PRKCE: variants seen among roughly 807,000 people sequenced by gnomAD.
PRKCE encodes the protein protein kinase C epsilon type.
PRKCE carries 16 observed loss-of-function variants against 85.4 expected under a neutral mutation model. The ratio of observed to expected loss-of-function variants is 0.19; its 90% confidence interval spans 0.13 to 0.28. The LOEUF (loss-of-function observed/expected upper bound fraction) is 0.28. PRKCE is among the 10% of genes least tolerant of loss of function. The probability of loss-of-function intolerance (pLI) is 1.00; values close to 1 mark genes in which losing one functional copy is unlikely to be tolerated. For missense variants in PRKCE, 573 were observed against 975.2 expected (o/e 0.59, Z 5.49); for synonymous variants, 388 against 371.5 (o/e 1.04, Z -0.51).
intron 1 of PRKCE, among the ~76,000 whole-genome samples, chr2:45,701,774 A>G (rs897152955): frequency 7.2e-5 from 11 of 152,224 alleles, no homozygotes; most frequent in African/African-American, 1.9e-4. Flanking sequence ...CTAGTCTGAT[A>G]AAGCCTCACC....
chr2:46,104,296 C>CTTTTTTTTTT (rs59018550), intron 11 of PRKCE, among the ~76,000 whole-genome samples: 28 of 118,500 alleles, frequency 2.4e-4, no homozygotes, highest in African/African-American at 8.7e-4. Context: ...TCACCTTGTA[C>CTTTTTTTTTT]TTTTTTTTTT....
intron 14 of PRKCE, among the ~76,000 whole-genome samples, chr2:46,173,492 G>T (rs927649968): frequency 2.0e-5 from 3 of 152,220 alleles, no homozygotes; most frequent in African/African-American, 7.2e-5. Flanking sequence ...AAGCAGCATT[G>T]AAAGTCTCCT....
In PRKCE at chr2:46,159,188, C is replaced by G. The variant is rs1018996973; in HGVS notation, c.1921-418C>G. 6.6e-6 allele frequency among the ~76,000 whole-genome samples: 1 copy of G among 152,186 alleles called. No homozygotes were observed. The highest frequency in any genetic ancestry group is 1.5e-5 in the Non-Finnish European group (1 of 68,046). On this transcript the variant is annotated intron_variant, in intron 13 of 14. Transcript: ENST00000306156. The surrounding 1 kb of genome is among the most constrained non-coding windows in gnomAD (Gnocchi z 4.1). ...GACCCCTCCATGTAAATGAGTTTAT[C>G]AGACCTCAGTCTCCCTGATGAGAAG... is the stretch of plus-strand genomic sequence containing the variant.
intron 2 of PRKCE, among the ~76,000 whole-genome samples, chr2:45,896,370 A>G (rs1696140768): frequency 6.6e-6 from 1 of 152,106 alleles, no homozygotes; most frequent in South Asian, 2.1e-4. Context: ...AAAGTCATGG[A>G]CTTTACGTGG....
chr2:46,169,469 C>T (rs925260210), intron 14 of PRKCE, among the ~76,000 whole-genome samples: 4 of 152,180 alleles, frequency 2.6e-5, no homozygotes, highest in African/African-American at 9.7e-5. Context: ...TTAACAGCAG[C>T]TTTCTTGGAG....
chr2:46,184,434 A>C lies in PRKCE; in HGVS notation c.2068-301A>C, dbSNP rs201021257. 4.0e-5 allele frequency among the ~76,000 whole-genome samples: 6 copies of C among 149,096 alleles called. No homozygotes were observed. Among genetic ancestry groups the C allele is most frequent in the East Asian group, 2.0e-4 (1 of 4,984 alleles). On this transcript the variant is annotated intron_variant, in intron 14 of 14. Transcript: ENST00000306156. This position sits in a 1 kb window ranked among gnomAD's most constrained non-coding sequence, Gnocchi z 5.0. ...GGGACCTTTGCATCATACACACACAAACACACACACACACACACACACACA... is the reference window on the plus strand; with the variant it reads ...GGGACCTTTGCATCATACACACACACACACACACACACACACACACACACA...
At chr2:45,764,429 T>C (rs1241728059) in intron 1 of PRKCE, among the ~76,000 whole-genome samples, 1 of 152,226 alleles carries the variant, frequency 6.6e-6, no homozygotes, top group Non-Finnish European at 1.5e-5. Flanking sequence ...GATTAATTGA[T>C]TAAATACTTA....
rs535211994 is a variant in PRKCE at position 46,044,877 on chromosome 2, A to G, written c.1437+34360A>G. ...CTCTCCAAGCAGGAGAATCTGTCACAGGGAAGGCTTCACTCCACGTGGTGT... is the reference window on the plus strand; with the variant it reads ...CTCTCCAAGCAGGAGAATCTGTCACGGGGAAGGCTTCACTCCACGTGGTGT... On this transcript the variant is annotated intron_variant, in intron 10 of 14. Transcript: ENST00000306156. Among the ~76,000 whole-genome samples, 3 of 152,342 alleles carry G rather than the reference A, an allele frequency of 2.0e-5. No homozygotes were observed. The East Asian group carries it at 5.8e-4, about 29-fold the overall frequency.
At chr2:45,791,146 C>T (rs570948374) in intron 1 of PRKCE, among the ~76,000 whole-genome samples, 3 of 152,070 alleles carry the variant, frequency 2.0e-5, no homozygotes, top group East Asian at 1.9e-4. Flanking sequence ...TGACTGGTCA[C>T]GGGGCTTGGG....
intron 1 of PRKCE, among the ~76,000 whole-genome samples, chr2:45,811,509 A>G (rs758065602): frequency 1.3e-5 from 2 of 152,246 alleles, no homozygotes; most frequent in Non-Finnish European, 2.9e-5. Flanking sequence ...GGGGCCAGAC[A>G]AAAGAGGGAG....
At chr2:46,002,689 A>G (rs149209196) in intron 7 of PRKCE, among the ~76,000 whole-genome samples, 275 of 152,272 alleles carry the variant, frequency 1.8e-3, no homozygotes, top group African/African-American at 6.1e-3. Flanking sequence ...TGTAAATTCC[A>G]CTGGTGGAAA....
intron 10 of PRKCE, among the ~76,000 whole-genome samples, chr2:46,042,747 CA>C (rs1403890401): frequency 6.6e-6 from 1 of 152,200 alleles, no homozygotes; most frequent in Non-Finnish European, 1.5e-5. Context: ...TGCACACTCT[CA>C]AAAGCTCAGC....
intron 2 of PRKCE, among the ~76,000 whole-genome samples, chr2:45,952,378 C>G (rs773971613): frequency 6.6e-6 from 1 of 152,210 alleles, no homozygotes; most frequent in Non-Finnish European, 1.5e-5. Flanking sequence ...CTTGTTCTCT[C>G]TCTCTCATGG....
In PRKCE at chr2:46,147,684, A is replaced by G. The variant is rs192496470; in HGVS notation, c.1731+2453A>G. Among the ~76,000 whole-genome samples the G allele has an allele frequency of 5.2e-4, 79 of 152,322 alleles. 1 individual carries two copies. In the East Asian group the frequency reaches 0.015, roughly 29 times the overall value. Reference sequence around the variant, plus strand: ...CTGCCTTCATCGAGGGCTACTGGGAAGATTAAATGAGATTATGCCTCTAAA... The same window carrying G: ...CTGCCTTCATCGAGGGCTACTGGGAGGATTAAATGAGATTATGCCTCTAAA... On this transcript the variant is annotated intron_variant, in intron 12 of 14. Coordinates refer to ENST00000306156, the MANE Select transcript of PRKCE (RefSeq NM_005400.3).
At chr2:45,763,434 C>T (rs1013811235) in intron 1 of PRKCE, among the ~76,000 whole-genome samples, 1 of 152,204 alleles carries the variant, frequency 6.6e-6, no homozygotes, top group Non-Finnish European at 1.5e-5. Flanking sequence ...GATTTCATAA[C>T]ATTTTTCATC....
intron 4 of PRKCE, among the ~76,000 whole-genome samples, chr2:45,979,968 C>A (rs1702754703): frequency 6.6e-6 from 1 of 152,088 alleles, no homozygotes. Flanking sequence ...GGCAGTGCTC[C>A]ATGGGAGGGC....
chr2:46,030,196 T>G (rs1431850481), intron 10 of PRKCE, among the ~76,000 whole-genome samples: 1 of 152,088 alleles, frequency 6.6e-6, no homozygotes, highest in Non-Finnish European at 1.5e-5. Context: ...GCATCCACCT[T>G]GAACATGGAG....
chr2:45,720,531 C>T (rs1332012664), intron 1 of PRKCE, among the ~76,000 whole-genome samples: 1 of 152,054 alleles, frequency 6.6e-6, no homozygotes, highest in East Asian at 1.9e-4. Flanking sequence ...ATGTCGCTGC[C>T]CACCAATGCC....
chr2:45,987,230 GC>G (rs1427715397), intron 6 of PRKCE, among the ~76,000 whole-genome samples: 1 of 151,972 alleles, frequency 6.6e-6, no homozygotes, highest in African/African-American at 2.4e-5. Flanking sequence ...AAATGCTCTT[GC>G]CCCTGCTCAA....
Sources: allele counts gnomAD v4.1 joint callset (sites outside exome capture counted in the v4.1 genomes callset), GRCh38; gene constraint gnomAD v4.1.1; non-coding constraint Gnocchi (gnomAD v3.1); transcripts MANE v1.5; gene names NCBI Gene and HGNC (gene_info 2026-07-23, HGNC 2026-07-21).